Variants in PTPN11 observed in about 807,000 individuals in gnomAD.
The protein encoded by PTPN11 is protein tyrosine phosphatase non-receptor type 11.
Under a neutral mutation model 78.8 loss-of-function variants are expected in PTPN11, and 6 were observed. The observed-to-expected ratio is 0.08, with a 90% CI of 0.04 to 0.15. PTPN11 has a LOEUF of 0.15. Among genes scored for constraint, PTPN11 ranks in the 10% least tolerant of loss-of-function variants. The probability of loss-of-function intolerance (pLI) is 1.00; values close to 1 mark genes in which losing one functional copy is unlikely to be tolerated. For synonymous variants in PTPN11, 221 were observed against 263.5 expected (o/e 0.84, Z 1.56); for missense variants, 386 against 744.8 (o/e 0.52, Z 5.61).
At chr12:112,461,654 G>A (rs1220284346) in intron 6 of PTPN11, among the ~76,000 whole-genome samples, 1 of 152,000 alleles carries the variant, frequency 6.6e-6, no homozygotes, top group East Asian at 1.9e-4. Flanking sequence ...TTTTAGTAGA[G>A]ATGTGGTCGT....
At chr12:112,490,110 A>C (rs1299773409) in intron 13 of PTPN11, among the ~76,000 whole-genome samples, 1 of 152,200 alleles carries the variant, frequency 6.6e-6, no homozygotes, top group Admixed American at 6.5e-5. Context: ...TTTGAACCTC[A>C]GTGCTTTAAA....
At chr12:112,486,743 T>C in intron 11 of PTPN11, 114 bp downstream of exon 11, 1 of 1,534,872 alleles carries the variant, frequency 6.5e-7, no homozygotes, top group Non-Finnish European at 8.8e-7. Context: ...ATTTAATATC[T>C]GTTTGAGGCA....
chr12:112,448,722 G>T (rs999082348), intron 2 of PTPN11, among the ~76,000 whole-genome samples: 3 of 151,916 alleles, frequency 2.0e-5, no homozygotes, highest in African/African-American at 7.3e-5. Context: ...ACTGTCACCA[G>T]CAGGTAGCGA....
At chr12:112,442,856 AT>A (rs752721107) in intron 1 of PTPN11, among the ~76,000 whole-genome samples, 12,367 of 97,804 alleles carry the variant, frequency 0.13, 1,513 homozygotes, top group East Asian at 0.52. Context: ...ATATATATAT[AT>A]ATATATATAT....
intron 1 of PTPN11, among the ~76,000 whole-genome samples, chr12:112,431,635 G>C (rs2037714570): frequency 6.6e-6 from 1 of 152,122 alleles, no homozygotes. Flanking sequence ...GACGTGATCA[G>C]AGAACCAGAG....
intron 6 of PTPN11, among the ~76,000 whole-genome samples, chr12:112,468,506 G>GT (rs1346237511): frequency 3.9e-5 from 6 of 152,288 alleles, no homozygotes; most frequent in African/African-American, 1.4e-4. Flanking sequence ...AATGAAATAT[G>GT]TTTAGGCAAC....
At chr12:112,488,807 T>C (rs1459424449) in intron 12 of PTPN11, among the ~76,000 whole-genome samples, 1 of 152,172 alleles carries the variant, frequency 6.6e-6, no homozygotes, top group Non-Finnish European at 1.5e-5. Context: ...TGTTGGCAAG[T>C]GAGGGAATCC....
intron 11 of PTPN11, among the ~76,000 whole-genome samples, chr12:112,487,835 G>A (rs1327991190): frequency 6.6e-6 from 1 of 151,966 alleles, no homozygotes; most frequent in African/African-American, 2.4e-5. Flanking sequence ...CCAGGCTAGA[G>A]TGCAATTGAG....
chr12:112,456,200 C>G (rs1329795096), intron 6 of PTPN11, 137 bp downstream of exon 6: 5 of 703,014 alleles, frequency 7.1e-6, no homozygotes, highest in Non-Finnish European at 1.3e-5. Flanking sequence ...TTGATTGACA[C>G]GGAGCAAGTT....
At chr12:112,429,922 T>A (rs900788465) in intron 1 of PTPN11, among the ~76,000 whole-genome samples, 1 of 152,234 alleles carries the variant, frequency 6.6e-6, no homozygotes, top group Non-Finnish European at 1.5e-5. Flanking sequence ...AAAAGTTTGA[T>A]TTCTCAAGTC....
chr12:112,473,093 T>G, intron 7 of PTPN11, 53 bp downstream of exon 7: 1 of 1,405,990 alleles, frequency 7.1e-7, no homozygotes, highest in African/African-American at 1.4e-5. Flanking sequence ...TTTTGATTCC[T>G]AGCACCTCTG....
chr12:112,505,613 C>T (rs1437461723), intron 15 of PTPN11, among the ~76,000 whole-genome samples: 11 of 146,592 alleles, frequency 7.5e-5, no homozygotes, highest in Non-Finnish European at 1.5e-4. Flanking sequence ...GCCAAGATCG[C>T]GCCATTGCAC....
intron 1 of PTPN11, among the ~76,000 whole-genome samples, chr12:112,441,050 C>T (rs529012975): frequency 6.5e-4 from 98 of 150,516 alleles, no homozygotes; most frequent in Non-Finnish European, 1.2e-3. Context: ...CCGCACCCTC[C>T]GCTTCCCGGG....
At chr12:112,428,651 G>GA (rs11326544) in intron 1 of PTPN11, among the ~76,000 whole-genome samples, 7 of 145,470 alleles carry the variant, frequency 4.8e-5, no homozygotes, top group African/African-American at 7.5e-5. Context: ...AATACTTTTG[G>GA]AAAAAAAAAA....
chr12:112,477,227 G>C (rs1035601628), intron 7 of PTPN11, among the ~76,000 whole-genome samples: 42 of 152,220 alleles, frequency 2.8e-4, no homozygotes, highest in Admixed American at 2.1e-3. Context: ...ATGTTGGCCA[G>C]GCTGGTCTTG....
chr12:112,472,322 A>T (rs752007544), intron 6 of PTPN11, among the ~76,000 whole-genome samples: 2 of 152,138 alleles, frequency 1.3e-5, no homozygotes, highest in Admixed American at 6.5e-5. Flanking sequence ...ATGCAAGTGT[A>T]TGATTACATC....
At chr12:112,481,525 C>G (rs1008968362) in intron 9 of PTPN11, among the ~76,000 whole-genome samples, 1 of 151,764 alleles carries the variant, frequency 6.6e-6, no homozygotes, top group South Asian at 2.1e-4. Flanking sequence ...CAGAACCTCT[C>G]TCTGTCACCC....
chr12:112,454,378 C>T (rs2038122199), intron 4 of PTPN11, among the ~76,000 whole-genome samples, 186 bp from the exon 5 acceptor site: 2 of 152,182 alleles, frequency 1.3e-5, no homozygotes, highest in Admixed American at 1.3e-4. Flanking sequence ...CCTTGGCCTC[C>T]CAAAGTGCTG....
chr12:112,491,174 A>C (rs1170839583), intron 13 of PTPN11, among the ~76,000 whole-genome samples: 1 of 152,122 alleles, frequency 6.6e-6, no homozygotes, highest in Non-Finnish European at 1.5e-5. Flanking sequence ...GTGCAAACGA[A>C]GCAAGATTGA....
Sources: gnomAD v4.1 joint callset for allele counts (sites outside exome capture counted in the v4.1 genomes callset) on GRCh38, gnomAD v4.1.1 for gene constraint, MANE v1.5 for transcripts, NCBI Gene and HGNC (gene_info 2026-07-23, HGNC 2026-07-21) for gene names.